ERC2: variants seen among roughly 807,000 people sequenced by gnomAD.
ERC2 encodes the protein ELKS/RAB6-interacting/CAST family member 2.
Under a neutral mutation model 114.8 loss-of-function variants are expected in ERC2, and 42 were observed. The ratio of observed to expected loss-of-function variants is 0.37; its 90% CI spans 0.29 to 0.47. The LOEUF (loss-of-function observed/expected upper bound fraction) is 0.47. Among genes scored for constraint, ERC2 ranks in the 20% least tolerant of loss-of-function variants. ERC2 has a pLI of 0.99. For missense variants in ERC2, 939 were observed against 1,150.7 expected (o/e 0.82, Z 2.66); for synonymous variants, 454 against 425.5 (o/e 1.07, Z -0.82).
intron 2 of ERC2, among the ~76,000 whole-genome samples, chr3:56,317,706 C>T (rs987286189): frequency 3.3e-5 from 5 of 152,194 alleles, no homozygotes; most frequent in Non-Finnish European, 7.4e-5. Context: ...AGACACAGTA[C>T]CTGACCTCAT....
intron 2 of ERC2, among the ~76,000 whole-genome samples, chr3:56,343,926 T>C (rs574654084): frequency 6.6e-6 from 1 of 152,284 alleles, no homozygotes; most frequent in African/African-American, 2.4e-5. Context: ...AAGAATTCAA[T>C]AACAACAAAG....
At position 56,247,319 on chromosome 3, in the gene ERC2, C is replaced by A. The variant is rs535641722; in HGVS notation, c.1074+48700G>T. Among the ~76,000 whole-genome samples, 66 of 141,560 alleles carry A rather than the reference C, an allele frequency of 4.7e-4. 1 individual carries two copies. In the South Asian group the frequency reaches 0.014, roughly 29 times the overall value. The allele number at this position is 141,560 out of a possible 152,430, so 92.9% of individuals were successfully genotyped here. On this transcript the variant is annotated intron_variant, in intron 3 of 17. Transcript: ENST00000288221. ...TTTTAAAAGCAAGTGATCAATCAGG[C>A]TAATAATATGTTATGAATATGCACA...
At chr3:56,027,661 T>G (rs2074126694) in intron 7 of ERC2, among the ~76,000 whole-genome samples, 1 of 152,200 alleles carries the variant, frequency 6.6e-6, no homozygotes, top group Non-Finnish European at 1.5e-5. Context: ...ATTTTCTAAG[T>G]TTTTTGTTTT....
chr3:56,337,337 C>T (rs2057897397), intron 2 of ERC2, among the ~76,000 whole-genome samples: 1 of 152,194 alleles, frequency 6.6e-6, no homozygotes, highest in South Asian at 2.1e-4. Flanking sequence ...CCTGAACTTT[C>T]AGTATAGAGG....
In ERC2 at chr3:56,372,386, A is replaced by G. The variant is rs530346634; in HGVS notation, c.657+61965T>C. Among the ~76,000 whole-genome samples the G allele has an allele frequency of 8.6e-4, 131 of 152,296 alleles. 1 individual carries two copies. Among genetic ancestry groups the G allele is most frequent in the Middle Eastern group, 3.4e-3 (1 of 294 alleles). On this transcript the variant is annotated intron_variant, in intron 2 of 17. Coordinates refer to ENST00000288221, the MANE Select transcript of ERC2 (RefSeq NM_015576.3). ...CTCACAACAGCCTGAGAATGCAGACACTATTAATGAACGCTTTGTAAAGAT... is the reference window on the plus strand; with the variant it reads ...CTCACAACAGCCTGAGAATGCAGACGCTATTAATGAACGCTTTGTAAAGAT...
intron 14 of ERC2, among the ~76,000 whole-genome samples, chr3:55,857,782 G>C (rs991546569): frequency 9.2e-5 from 14 of 152,158 alleles, no homozygotes; most frequent in African/African-American, 3.4e-4. Context: ...CTTGTAGTGA[G>C]AAGGTCCTTC....
At chr3:55,725,459 T>A (rs2064853670) in intron 15 of ERC2, among the ~76,000 whole-genome samples, 1 of 152,202 alleles carries the variant, frequency 6.6e-6, no homozygotes, top group Non-Finnish European at 1.5e-5. Flanking sequence ...GAAAGCATTC[T>A]CTGATTCCTC....
intron 13 of ERC2, among the ~76,000 whole-genome samples, chr3:55,908,966 A>T (rs978390173): frequency 6.6e-6 from 1 of 152,222 alleles, no homozygotes; most frequent in East Asian, 1.9e-4. Flanking sequence ...TAACACATGC[A>T]TCTTCATTGA....
chr3:56,396,900 C>T (rs2060328910), intron 2 of ERC2, among the ~76,000 whole-genome samples: 2 of 152,006 alleles, frequency 1.3e-5, no homozygotes, highest in African/African-American at 4.8e-5. Flanking sequence ...AAGTCTCTGC[C>T]CCACTTTTCT....
intron 17 of ERC2, among the ~76,000 whole-genome samples, chr3:55,525,586 A>G (rs914985283): frequency 2.0e-5 from 3 of 152,214 alleles, no homozygotes; most frequent in African/African-American, 7.2e-5. Flanking sequence ...AGCATGTGGT[A>G]AGGCCTGAAA....
intron 1 of ERC2, among the ~76,000 whole-genome samples, chr3:56,444,619 G>A (rs2062476280): frequency 6.6e-6 from 1 of 152,178 alleles, no homozygotes; most frequent in Non-Finnish European, 1.5e-5. Flanking sequence ...GCTCAGAAGG[G>A]AAAAAGCAGG....
intron 7 of ERC2, among the ~76,000 whole-genome samples, chr3:56,025,686 G>A (rs1560043652): frequency 6.6e-6 from 1 of 152,146 alleles, no homozygotes; most frequent in Non-Finnish European, 1.5e-5. Context: ...GGCCAACACA[G>A]ATAATCTCCC....
intron 2 of ERC2, among the ~76,000 whole-genome samples, chr3:56,380,921 C>T (rs1331966734): frequency 3.3e-5 from 5 of 152,192 alleles, no homozygotes; most frequent in Admixed American, 2.6e-4. Flanking sequence ...GGCCAATTTA[C>T]ACCTACAATC....
intron 13 of ERC2, among the ~76,000 whole-genome samples, chr3:55,918,366 G>A (rs1464654820): frequency 2.6e-5 from 4 of 151,966 alleles, no homozygotes; most frequent in Non-Finnish European, 5.9e-5. Context: ...CTCTTCCTCC[G>A]AATATCTTCC....
At chr3:55,639,074 C>G (rs1048450292) in intron 17 of ERC2, among the ~76,000 whole-genome samples, 1 of 152,168 alleles carries the variant, frequency 6.6e-6, no homozygotes, top group Non-Finnish European at 1.5e-5. Flanking sequence ...GATTCAGGGT[C>G]GGTGAGCTAT....
chr3:56,105,994 C>T (rs145726831), intron 6 of ERC2, among the ~76,000 whole-genome samples: 145 of 152,274 alleles, frequency 9.5e-4, no homozygotes, highest in African/African-American at 3.3e-3. Flanking sequence ...AGAAAGAATG[C>T]ACAATTCAGG....
intron 17 of ERC2, among the ~76,000 whole-genome samples, chr3:55,634,384 C>T (rs544533731): frequency 6.6e-5 from 10 of 152,302 alleles, no homozygotes; most frequent in South Asian, 6.2e-4. Flanking sequence ...TCTATTTCTA[C>T]GATCTTGGCC....
At chr3:55,840,006 C>T (rs1018975652) in intron 14 of ERC2, among the ~76,000 whole-genome samples, 3 of 151,898 alleles carry the variant, frequency 2.0e-5, no homozygotes, top group African/African-American at 7.2e-5. Flanking sequence ...AATAAATATA[C>T]TAACACTAAT....
intron 2 of ERC2, among the ~76,000 whole-genome samples, chr3:56,356,468 T>C (rs777890739): frequency 1.3e-4 from 20 of 152,206 alleles, no homozygotes; most frequent in Non-Finnish European, 2.8e-4. Flanking sequence ...AGTTGGCATG[T>C]AGTTGGCATC....
Sources: allele counts gnomAD v4.1 joint callset (sites outside exome capture counted in the v4.1 genomes callset), GRCh38; gene constraint gnomAD v4.1.1; transcripts MANE v1.5; gene names NCBI Gene and HGNC (gene_info 2026-07-23, HGNC 2026-07-21).